The following YRDC variants were observed in gnomAD, a reference collection of about 807,000 sequenced individuals.
The protein encoded by YRDC is yrdC N6-threonylcarbamoyltransferase domain containing, also known as threonylcarbamoyl-AMP synthase.
Under a neutral mutation model 21.5 loss-of-function variants are expected in YRDC, and 17 were observed. The ratio of observed to expected loss-of-function variants is 0.79; its 90% CI spans 0.54 to 1.19. The LOEUF is 1.19. Ranked by LOEUF, YRDC falls within the 50% of genes most tolerant of loss-of-function variation. The pLI is 0.00. For missense variants in YRDC, 380 were observed against 397.1 expected (o/e 0.96, Z 0.37); for synonymous variants, 193 against 176.7 (o/e 1.09, Z -0.73).
At chr1:37,807,463 G>C (rs772038648) in intron 1 of YRDC, 2 of 580,896 alleles carry the variant, frequency 3.4e-6, no homozygotes, top group Non-Finnish European at 6.0e-6. Context: ...ATGATAGTGG[G>C]ATCAAGCTCC....
chr1:37,804,234 T>C (rs2148390306), intron 4 of YRDC, 68 bp downstream of exon 4: 1 of 1,569,006 alleles, frequency 6.4e-7, no homozygotes, highest in East Asian at 2.3e-5. Context: ...CTTTATCTTG[T>C]CAAAGCTTTT....
intron 1 of YRDC, 133 bp from the exon 2 acceptor site, chr1:37,807,348 C>T (rs1177645280): frequency 9.5e-6 from 8 of 842,048 alleles, no homozygotes; most frequent in Admixed American, 2.5e-5. Context: ...TGCTTCACCT[C>T]CCTAAGAGCT....
At chr1:37,807,401 G>A in intron 1 of YRDC, 186 bp from the exon 2 acceptor site, 2 of 632,780 alleles carry the variant, frequency 3.2e-6, no homozygotes, top group East Asian at 2.8e-5. Flanking sequence ...CTGGCTTGAC[G>A]CCCATGTGCC....
chr1:37,807,294 G>C lies in YRDC; in HGVS notation c.390-79C>G. 4.5e-6 allele frequency: 6 copies of C among 1,327,546 alleles called. No homozygotes were observed. In the South Asian group the frequency reaches 7.2e-5, roughly 16 times the overall value. The allele number at this position is 1,327,546 out of a possible 1,614,324, so 82.2% of individuals were successfully genotyped here. A position where few individuals can be genotyped will look rare whatever the true frequency, so the allele number is the denominator to read the frequency against. On this transcript the variant is annotated intron_variant, in intron 1 of 4. Transcript: ENST00000373044. ...CTTTCCTAGACTCTAGGCAGACGTAGAAAAGGAATCCTTCGAGTTTACAAT... is the reference window on the plus strand; with the variant it reads ...CTTTCCTAGACTCTAGGCAGACGTACAAAAGGAATCCTTCGAGTTTACAAT...
At position 37,808,106 on chromosome 1, in the gene YRDC, A is replaced by G; in HGVS notation, c.75T>C (p.Ala25=). 2 of 1,439,514 alleles carry G rather than the reference A, an allele frequency of 1.4e-6. No homozygotes were observed. The highest frequency in any genetic ancestry group is 1.8e-6 in the Non-Finnish European group (2 of 1,100,876). The allele number at this position is 1,439,514 out of a possible 1,614,324, so 89.2% of individuals were successfully genotyped here. A position where few individuals can be genotyped will look rare whatever the true frequency, so the allele number is the denominator to read the frequency against. The change falls in exon 1 of 5, where the codon GCT becomes GCC. Residue 25 remains alanine (A), a synonymous_variant. Transcript: ENST00000373044. The stretch of plus-strand genomic sequence containing the variant: ...GGAAGAGGCGACCGCTCCGGGAGCC[A>G]GCAGGCCCCTCGCTCAACCCCACGC... ...AASVGLSEGP[A]GSRSGRLFRP...
rs1646717860 is a variant in YRDC at position 37,803,920 on chromosome 1, G to C, written c.*5C>G. The C allele has an allele frequency of 6.2e-7, 1 of 1,614,026 alleles. No individual in the cohort carries two copies. The highest frequency in any genetic ancestry group is 8.5e-7 in the Non-Finnish European group (1 of 1,179,992). On this transcript the variant is annotated 3_prime_UTR_variant, in exon 5 of 5. Coordinates refer to ENST00000373044, the MANE Select transcript of YRDC (RefSeq NM_024640.4). ...AGGTCTTGGGCCTTCCTGCTTCCCA[G>C]AGTTTCACAGGTAGGACGCATGTGA...
chr1:37,806,962 C>G lies in YRDC; in HGVS notation c.519G>C (p.Arg173=), dbSNP rs1569825904. Residue 173 remains arginine (R), a synonymous_variant, in exon 3 of 5, where the codon CGG becomes CGC. Coordinates refer to ENST00000373044, the MANE Select transcript of YRDC (RefSeq NM_024640.4). ...LNPFTPLVGI[R]IPDHAFMQDL... is the part of the protein sequence containing the mutation. Reference sequence around the variant, plus strand: ...CTTGCATAAAAGCATGATCAGGAATCCGAATGCCTACAAGCTGTAAGGCAA... The same window carrying G: ...CTTGCATAAAAGCATGATCAGGAATGCGAATGCCTACAAGCTGTAAGGCAA... 1 of 1,614,168 alleles carries G rather than the reference C, an allele frequency of 6.2e-7. No homozygotes were observed. Among genetic ancestry groups the G allele is most frequent in the Non-Finnish European group, 8.5e-7 (1 of 1,180,034 alleles).
chr1:37,806,988 G>A lies in YRDC; in HGVS notation c.505-12C>T, dbSNP rs2291297. On this transcript the variant is annotated splice_polypyrimidine_tract_variant and intron_variant, in intron 2 of 4. Coordinates refer to ENST00000373044, the MANE Select transcript of YRDC (RefSeq NM_024640.4). ...CGAATGCCTACAAGCTGTAAGGCAAGGGGAAAGGGATCATGAGAAAGGTTG... is the reference window on the plus strand; with the variant it reads ...CGAATGCCTACAAGCTGTAAGGCAAAGGGAAAGGGATCATGAGAAAGGTTG... 0.28 allele frequency: 450,223 copies of A among 1,613,964 alleles called. 65,371 individuals are homozygous for A. Among genetic ancestry groups the A allele is most frequent in the East Asian group, 0.31 (14,081 of 44,878 alleles).
rs1646717685 is a variant in YRDC at position 37,803,879 on chromosome 1, CAT to C, written c.*44_*45del. 1 of 1,604,346 alleles carries C rather than the reference CAT, an allele frequency of 6.2e-7. No homozygotes were observed. The highest frequency in any genetic ancestry group is 1.3e-5 in the African/African-American group (1 of 74,720). ...CTTGACAGTCGTCAGTGGACAGACA[CAT>C]AGTATCCAGCACCAGGTCTTGGGCC... On this transcript the variant is annotated 3_prime_UTR_variant, in exon 5 of 5. Coordinates refer to ENST00000373044, the MANE Select transcript of YRDC (RefSeq NM_024640.4).
chr1:37,808,164 C>A lies in YRDC; in HGVS notation c.17G>T (p.Arg6Leu), dbSNP rs924277041. The stretch of plus-strand genomic sequence containing the variant: ...CACCGCGGCCCTCATCCCCCTGCAC[C>A]GACGCGCCGGAGACATCCGCCCAGG... MSPARRCRGMRAAVAA... is the reference protein window; with the variant it reads MSPARLCRGMRAAVAA... The change falls in exon 1 of 5, where the codon CGG becomes CTG. Residue 6 changes from arginine to leucine, a missense_variant. This residue lies in a region of YRDC where 91 missense variants were observed against 64.7 expected (regional missense o/e 1.41). Transcript: ENST00000373044. The A allele has an allele frequency of 1.4e-6, 2 of 1,459,496 alleles. No homozygotes were observed. The highest frequency in any genetic ancestry group is 1.5e-5 in the African/African-American group (1 of 68,320). The allele number at this position is 1,459,496 out of a possible 1,614,324, so 90.4% of individuals were successfully genotyped here.
At chr1:37,806,809 A>G (rs370467727) in intron 3 of YRDC, 48 bp downstream of exon 3, 2 of 1,612,668 alleles carry the variant, frequency 1.2e-6, no homozygotes, top group Admixed American at 3.3e-5. Flanking sequence ...CACAGAAAAC[A>G]GTATGTGCGC....
Position 37,804,304 on chromosome 1 carries a change from G to A in YRDC, c.765C>T (p.Gly255=). ...CACACCACAGGAAAGAGACTTACCA[G>A]CCTGGACGAATGATGCCAAACTTTC... ...VPGKFGIIRP[G]CALESTTAIL... is the part of the protein sequence containing the mutation. Residue 255 remains glycine, a splice_region_variant and synonymous_variant, in exon 4 of 5, where the codon GGC becomes GGT. Transcript: ENST00000373044. 1 of 1,613,304 alleles carries A rather than the reference G, an allele frequency of 6.2e-7. No individual in the cohort carries two copies. The highest frequency in any genetic ancestry group is 1.1e-5 in the South Asian group (1 of 91,042).
intron 1 of YRDC, chr1:37,807,579 G>A (rs1373303215): frequency 1.1e-5 from 11 of 960,422 alleles, no homozygotes; most frequent in Non-Finnish European, 1.6e-5. Context: ...AAGGGAACAG[G>A]GTCCCTGCCT....
At chr1:37,807,027 G>GTTA in intron 2 of YRDC, 51 bp from the exon 3 acceptor site, 2 of 1,613,860 alleles carry the variant, frequency 1.2e-6, no homozygotes, top group Non-Finnish European at 1.7e-6. Flanking sequence ...GGGATAAGAG[G>GTTA]GTAAGTCTTA....
intron 1 of YRDC, chr1:37,807,565 C>T: frequency 6.9e-6 from 6 of 875,030 alleles, no homozygotes; most frequent in South Asian, 2.1e-5. Flanking sequence ...AGCACAAATA[C>T]GCCAAGGGAA....
In YRDC at chr1:37,808,024, T is replaced by C. The variant is rs1646753712; in HGVS notation, c.157A>G (p.Ser53Gly). The change falls in exon 1 of 5, where the codon AGC (serine) becomes GGC (glycine). Residue 53 changes from serine to glycine, a missense_variant. By Grantham distance (56) the Ser-to-Gly change is moderately conservative (BLOSUM62 0). Around this residue, in one of 3 missense-constraint regions of YRDC, gnomAD observed 51 missense variants for 95.9 expected, o/e 0.53. Transcript: ENST00000373044. The part of the protein sequence containing the change: ...PGARLLRLPG[S>G]GAVQAASPER... ...GGGCTCGCGGCCTGCACGGCCCCGC[T>C]CCCCGGGAGCCGCAACAGCCGGGCG... 2 of 1,287,072 alleles carry C rather than the reference T, an allele frequency of 1.6e-6. No homozygotes were observed. Among genetic ancestry groups the C allele is most frequent in the South Asian group, 2.2e-5 (1 of 45,098 alleles). 79.7% of individuals were successfully genotyped at this position (1,287,072 alleles called of 1,614,324 possible). A position where few individuals can be genotyped will look rare whatever the true frequency, so the allele number is the denominator to read the frequency against.
At chr1:37,807,073 T>C in intron 2 of YRDC, 28 bp downstream of exon 2, 1 of 1,614,058 alleles carries the variant, frequency 6.2e-7, no homozygotes, top group Non-Finnish European at 8.5e-7. Context: ...GCCTGGAGTC[T>C]GGGGACACAA....
intron 2 of YRDC, 41 bp from the exon 3 acceptor site, chr1:37,807,017 G>A (rs977372840): frequency 1.9e-6 from 3 of 1,614,118 alleles, no homozygotes; most frequent in Non-Finnish European, 2.5e-6. Context: ...AAGGTTGGAA[G>A]GGATAAGAGG....
At chr1:37,804,037 G>C in intron 4 of YRDC, 40 bp from the exon 5 acceptor site, 1 of 1,611,212 alleles carries the variant, frequency 6.2e-7, no homozygotes, top group African/African-American at 1.3e-5. Context: ...TGACTTCTCA[G>C]AAGTCCCGAG....
Sources: gnomAD v4.1 joint callset for allele counts on GRCh38, gnomAD v4.1.1 for gene constraint, gnomAD v4.1.1 regional missense constraint, MANE v1.5 for transcripts, NCBI Gene and HGNC (gene_info 2026-07-23, HGNC 2026-07-21) for gene names.